Variants in SHISA6 observed in about 807,000 individuals in gnomAD.
The protein encoded by SHISA6 is protein shisa-6.
A neutral mutation model predicts 47.9 loss-of-function variants in SHISA6; 22 were observed. That is an observed-to-expected ratio of 0.46 (90% confidence interval 0.33 to 0.66). SHISA6 has a LOEUF of 0.66. Among genes scored for constraint, SHISA6 ranks in the 30% least tolerant of loss-of-function variants. The pLI is 0.02. For missense variants in SHISA6, 680 were observed against 764.6 expected, an observed-to-expected ratio of 0.89 and a Z score of 1.30; for synonymous variants, 388 against 337.8, an observed-to-expected ratio of 1.15 and a Z score of -1.63.
chr17:11,488,776 C>T (rs1369398108), intron 3 of SHISA6, among the ~76,000 whole-genome samples: 4 of 152,208 alleles, frequency 2.6e-5, no homozygotes, highest in African/African-American at 9.7e-5. Flanking sequence ...TTCTGATGGA[C>T]GCACTTGAAT....
At chr17:11,307,786 T>C (rs1910176919) in intron 2 of SHISA6, among the ~76,000 whole-genome samples, 1 of 152,184 alleles carries the variant, frequency 6.6e-6, no homozygotes, top group Non-Finnish European at 1.5e-5. Flanking sequence ...TAATGGTACA[T>C]GCTATGGAGA....
At chr17:11,246,224 C>A (rs1001635180) in intron 1 of SHISA6, among the ~76,000 whole-genome samples, 7 of 152,178 alleles carry the variant, frequency 4.6e-5, no homozygotes, top group Non-Finnish European at 2.9e-5. Flanking sequence ...GGTGCGGTGG[C>A]TCACGCCTGT....
chr17:11,325,466 A>G (rs1910847565), intron 2 of SHISA6, among the ~76,000 whole-genome samples: 1 of 152,190 alleles, frequency 6.6e-6, no homozygotes, highest in Non-Finnish European at 1.5e-5. Flanking sequence ...TCCAGCCCCT[A>G]ATTCCGGGGC....
At chr17:11,453,395 T>C (rs920847527) in intron 3 of SHISA6, among the ~76,000 whole-genome samples, 7 of 152,196 alleles carry the variant, frequency 4.6e-5, no homozygotes, top group South Asian at 2.1e-4. Flanking sequence ...AAGGAGTTTA[T>C]CGTCCTTGCT....
chr17:11,503,478 A>G (rs2071472667), intron 3 of SHISA6, among the ~76,000 whole-genome samples: 2 of 152,004 alleles, frequency 1.3e-5, no homozygotes, highest in African/African-American at 4.8e-5. Flanking sequence ...TGATGTCACT[A>G]AGATTCTTGA....
intron 3 of SHISA6, among the ~76,000 whole-genome samples, chr17:11,524,768 G>T (rs2071661803): frequency 6.6e-6 from 1 of 152,130 alleles, no homozygotes. Context: ...CAAAGTGCTA[G>T]GATTACAGGC....
chr17:11,390,237 C>A (rs1210856704), intron 3 of SHISA6, among the ~76,000 whole-genome samples: 1 of 152,176 alleles, frequency 6.6e-6, no homozygotes, highest in Non-Finnish European at 1.5e-5. Flanking sequence ...ACATGCTGGA[C>A]TTCTGGCTCT....
In SHISA6 at chr17:11,241,371, G is replaced by C. The variant is rs1302208834; in HGVS notation, c.-52G>C. The stretch of plus-strand genomic sequence containing the variant: ...CGGGTCCTCCGAGCCCGGCCCGCCG[G>C]GGGAGCGGCCTGCCGCGGAAGCCTC... On this transcript the variant is annotated 5_prime_UTR_variant, in exon 1 of 6. Coordinates refer to ENST00000441885, the MANE Select transcript of SHISA6 (RefSeq NM_207386.4). The surrounding 1 kb of genome is among the most constrained non-coding windows in gnomAD (Gnocchi z 5.5). 4.9e-6 allele frequency: 5 copies of C among 1,021,434 alleles called. No homozygotes were observed. The highest frequency in any genetic ancestry group is 1.2e-4 in the Admixed American group (2 of 17,078). 63.3% of individuals were successfully genotyped at this position (1,021,434 alleles called of 1,614,324 possible).
chr17:11,422,719 C>T (rs1336592227), intron 3 of SHISA6, among the ~76,000 whole-genome samples: 7 of 151,230 alleles, frequency 4.6e-5, no homozygotes, highest in Non-Finnish European at 7.4e-5. Context: ...TCCAAGATCC[C>T]GCCACTGCAC....
chr17:11,513,891 G>A (rs2071561574), intron 3 of SHISA6, among the ~76,000 whole-genome samples: 2 of 152,164 alleles, frequency 1.3e-5, no homozygotes, highest in Non-Finnish European at 2.9e-5. Context: ...CTGTCAGGCA[G>A]ACCAGACAAT....
At chr17:11,382,960 G>A (rs1404615371) in intron 3 of SHISA6, among the ~76,000 whole-genome samples, 1 of 125,696 alleles carries the variant, frequency 8.0e-6, no homozygotes, top group Non-Finnish European at 1.6e-5. Context: ...TTTTTGAGAC[G>A]GAGTCTCACT....
chr17:11,314,944 G>GC (rs1910457539), intron 2 of SHISA6, among the ~76,000 whole-genome samples: 1 of 152,046 alleles, frequency 6.6e-6, no homozygotes, highest in South Asian at 2.1e-4. Context: ...TTGTTCATGT[G>GC]CATCCACTTC....
At chr17:11,252,424 G>A (rs910901637) in intron 1 of SHISA6, among the ~76,000 whole-genome samples, 2 of 152,182 alleles carry the variant, frequency 1.3e-5, no homozygotes, top group Non-Finnish European at 2.9e-5. Context: ...CACCCAAACA[G>A]CCACTTCTCT....
chr17:11,311,075 C>G (rs964658371), intron 2 of SHISA6, among the ~76,000 whole-genome samples: 1 of 138,256 alleles, frequency 7.2e-6, no homozygotes, highest in South Asian at 2.3e-4. Context: ...CCACTGTACT[C>G]CAGCCTGGGT....
rs141047746 is a variant in SHISA6, at chr17:11,306,592, G to A, written c.799+43066G>A. Reference sequence around the variant, plus strand: ...CACCTGAGTGGGCATTGGTGAGCCCGCCCTTTGGAGTCTGAAAACTTCGTT... The same window carrying A: ...CACCTGAGTGGGCATTGGTGAGCCCACCCTTTGGAGTCTGAAAACTTCGTT... On this transcript the variant is annotated intron_variant, in intron 2 of 5. Coordinates refer to ENST00000441885, the MANE Select transcript of SHISA6 (RefSeq NM_207386.4). 5.9e-3 allele frequency among the ~76,000 whole-genome samples: 891 copies of A among 152,258 alleles called. 6 individuals are homozygous for A. Among genetic ancestry groups the A allele is most frequent in the Non-Finnish European group, 8.0e-3 (541 of 68,028 alleles).
chr17:11,380,240 A>G (rs1454077344), intron 3 of SHISA6: 1 of 152,178 alleles, frequency 6.6e-6, no homozygotes, highest in Non-Finnish European at 1.5e-5. Context: ...TATAGATCAA[A>G]TGTGAATTCT....
intron 1 of SHISA6, among the ~76,000 whole-genome samples, chr17:11,255,681 T>C (rs897806170): frequency 5.3e-5 from 8 of 152,148 alleles, no homozygotes; most frequent in East Asian, 3.9e-4. Context: ...GTGGGAAATA[T>C]GGGGCGTGGA....
intron 3 of SHISA6, among the ~76,000 whole-genome samples, 185 bp from the exon 4 acceptor site, chr17:11,551,711 G>A (rs1290969256): frequency 6.6e-6 from 1 of 152,170 alleles, no homozygotes; most frequent in African/African-American, 2.4e-5. Context: ...CCCTGTTGCA[G>A]AAGGAGAGAG....
intron 3 of SHISA6, among the ~76,000 whole-genome samples, chr17:11,499,235 C>A (rs1378485913): frequency 1.3e-5 from 2 of 152,198 alleles, no homozygotes; most frequent in Non-Finnish European, 2.9e-5. Context: ...AGATCTGACA[C>A]TGAGATGACG....
Sources: gnomAD v4.1 joint callset for allele counts (sites outside exome capture counted in the v4.1 genomes callset) on GRCh38, gnomAD v4.1.1 for gene constraint, Gnocchi (gnomAD v3.1) non-coding constraint, MANE v1.5 for transcripts, NCBI Gene and HGNC (gene_info 2026-07-23, HGNC 2026-07-21) for gene names.